Variants in PPP3CC observed in about 807,000 individuals in gnomAD.
The protein encoded by PPP3CC is serine/threonine-protein phosphatase 2B catalytic subunit gamma isoform.
Under a neutral mutation model 60.3 loss-of-function variants are expected in PPP3CC, and 35 were observed. The ratio of observed to expected loss-of-function variants is 0.58; its 90% CI spans 0.44 to 0.77. The LOEUF is 0.77. Ranked by LOEUF, PPP3CC falls within the 30% of genes least tolerant of loss-of-function variation. The pLI is 0.00. For missense variants in PPP3CC, 570 were observed against 628.9 expected, an observed-to-expected ratio of 0.91 and a Z score of 1.00; for synonymous variants, 206 against 224.3, an observed-to-expected ratio of 0.92 and a Z score of 0.73.
intron 3 of PPP3CC, among the ~76,000 whole-genome samples, chr8:22,481,529 G>A (rs951246564): frequency 6.6e-6 from 1 of 150,814 alleles, no homozygotes; most frequent in African/African-American, 2.4e-5. Flanking sequence ...TTGATGAAAT[G>A]TGGAAGTTTT....
intron 9 of PPP3CC, 138 bp from the exon 10 acceptor site, chr8:22,528,368 T>C: frequency 2.2e-6 from 1 of 448,690 alleles, no homozygotes. Context: ...CTACTTTTTA[T>C]AGCTATTCTT....
In PPP3CC at chr8:22,511,130, A is replaced by T; in HGVS notation, c.529A>T (p.Thr177Ser). Residue 177 changes from threonine (T) to serine (S), a missense_variant, in exon 5 of 14, where the codon ACA (threonine) becomes TCA (serine). Transcript: ENST00000240139. ...ACAGGTGTATGATGCCTGTATGGAG[A>T]CATTTGACTGTCTTCCTCTTGCTGC... The part of the protein sequence containing the change: ...SEQVYDACME[T>S]FDCLPLAALL... The T allele has an allele frequency of 6.2e-7, 1 of 1,614,064 alleles. No homozygotes were observed. Among genetic ancestry groups the T allele is most frequent in the Non-Finnish European group, 8.5e-7 (1 of 1,179,960 alleles).
chr8:22,469,562 A>AG (rs754087696), intron 1 of PPP3CC, among the ~76,000 whole-genome samples: 4 of 151,628 alleles, frequency 2.6e-5, no homozygotes, highest in Admixed American at 6.6e-5. Flanking sequence ...AAATAAAAAG[A>AG]GGGAAAAAAA....
intron 1 of PPP3CC, among the ~76,000 whole-genome samples, chr8:22,448,150 C>T (rs1033953484): frequency 6.6e-6 from 1 of 152,116 alleles, no homozygotes; most frequent in African/African-American, 2.4e-5. Context: ...GTTTGTGGGA[C>T]TTTCTACAAG....
intron 12 of PPP3CC, among the ~76,000 whole-genome samples, chr8:22,533,795 A>C (rs1563793026): frequency 6.6e-6 from 1 of 152,252 alleles, no homozygotes; most frequent in Non-Finnish European, 1.5e-5. Context: ...ACTGCACTCC[A>C]GCCTGGGCGA....
intron 1 of PPP3CC, among the ~76,000 whole-genome samples, chr8:22,446,187 T>G (rs1836816694): frequency 6.6e-6 from 1 of 152,252 alleles, no homozygotes; most frequent in Admixed American, 6.5e-5. Flanking sequence ...TTTTACAAAT[T>G]TAGCACCCAC....
intron 12 of PPP3CC, 130 bp from the exon 13 acceptor site, chr8:22,539,339 A>G (rs545263889): frequency 2.2e-5 from 16 of 744,128 alleles, no homozygotes; most frequent in Non-Finnish European, 3.2e-5. Context: ...TAACTAGTTG[A>G]CTTTCATTAT....
intron 4 of PPP3CC, among the ~76,000 whole-genome samples, chr8:22,502,594 A>G (rs1417857558): frequency 1.3e-5 from 2 of 152,108 alleles, no homozygotes; most frequent in Non-Finnish European, 2.9e-5. Context: ...AGGCTGAGGC[A>G]GGAGGATTGC....
Position 22,453,299 on chromosome 8 carries a change from CAT to C in PPP3CC, c.49+11842_49+11843del, listed in dbSNP as rs1464919821. On this transcript the variant is annotated intron_variant, in intron 1 of 13. Transcript: ENST00000240139. ...AGTAGATCTATTTTACTTTAAGTGA[CAT>C]GTGAAATGAAGATTTAAGAGTACTG... is the stretch of plus-strand genomic sequence containing the variant. Among the ~76,000 whole-genome samples, 7 of 152,160 alleles carry C rather than the reference CAT, an allele frequency of 4.6e-5. No homozygotes were observed. The East Asian group carries it at 5.8e-4, about 13-fold the overall frequency.
At chr8:22,455,098 A>G (rs1181994531) in intron 1 of PPP3CC, among the ~76,000 whole-genome samples, 3 of 151,862 alleles carry the variant, frequency 2.0e-5, no homozygotes, top group African/African-American at 7.3e-5. Context: ...TAAACCTAAA[A>G]TGCTTAAGAA....
intron 6 of PPP3CC, among the ~76,000 whole-genome samples, chr8:22,518,550 T>C (rs1839315052): frequency 6.6e-6 from 1 of 152,232 alleles, no homozygotes; most frequent in East Asian, 1.9e-4. Flanking sequence ...TCTATTCTTC[T>C]GTTATTTGGC....
intron 10 of PPP3CC, chr8:22,531,357 A>C: frequency 6.6e-7 from 1 of 1,511,620 alleles, no homozygotes. Flanking sequence ...CTAAGAGCTT[A>C]ATGCTTACTC....
chr8:22,465,771 A>G (rs985845766), intron 1 of PPP3CC, among the ~76,000 whole-genome samples: 7 of 152,198 alleles, frequency 4.6e-5, no homozygotes, highest in Non-Finnish European at 2.9e-5. Flanking sequence ...ACAGACCAAG[A>G]CAGTGAGATT....
At chr8:22,465,130 G>A (rs960035022) in intron 1 of PPP3CC, among the ~76,000 whole-genome samples, 13 of 151,694 alleles carry the variant, frequency 8.6e-5, no homozygotes, top group Admixed American at 5.3e-4. Context: ...GCTAATTTTT[G>A]TTGTGTTTTT....
chr8:22,468,163 G>T lies in PPP3CC; in HGVS notation c.50-6791G>T, dbSNP rs1053985822. On this transcript the variant is annotated intron_variant, in intron 1 of 13. Transcript: ENST00000240139. ...CTGTCGCCCAGGCTGGAGTGCAGTG[G>T]TGCAATCTCGGCTCACTGCAACCTC... Among the ~76,000 whole-genome samples the T allele has an allele frequency of 2.6e-5, 4 of 152,218 alleles. No individual in the cohort carries two copies. In the East Asian group the frequency reaches 7.7e-4, roughly 29 times the overall value.
intron 6 of PPP3CC, among the ~76,000 whole-genome samples, chr8:22,520,964 C>T: frequency 6.6e-6 from 1 of 152,152 alleles, no homozygotes; most frequent in Non-Finnish European, 1.5e-5. Context: ...ATACCTTCTC[C>T]TATTGAGTCC....
intron 10 of PPP3CC, 141 bp from the exon 11 acceptor site, chr8:22,532,084 G>T: frequency 1.7e-5 from 9 of 528,690 alleles, no homozygotes; most frequent in South Asian, 8.0e-5. Context: ...TGAGATTTTT[G>T]TTTGTTTAAA....
chr8:22,474,092 G>A (rs995699865), intron 1 of PPP3CC, among the ~76,000 whole-genome samples: 17 of 150,468 alleles, frequency 1.1e-4, no homozygotes, highest in Admixed American at 4.6e-4. Flanking sequence ...GTGGAGTTTT[G>A]CCATGTTGCC....
At chr8:22,442,066 A>G (rs1836689330) in intron 1 of PPP3CC, among the ~76,000 whole-genome samples, 1 of 152,158 alleles carries the variant, frequency 6.6e-6, no homozygotes, top group Non-Finnish European at 1.5e-5. Context: ...ACGTTTTCTG[A>G]TTCATATGTG....
Sources: gnomAD v4.1 joint callset for allele counts (sites outside exome capture counted in the v4.1 genomes callset) on GRCh38, gnomAD v4.1.1 for gene constraint, MANE v1.5 for transcripts, NCBI Gene and HGNC (gene_info 2026-07-23, HGNC 2026-07-21) for gene names.